RBM15B: variants seen among roughly 807,000 people sequenced by gnomAD.
RBM15B encodes the protein RNA binding motif protein 15B.
RBM15B carries 11 observed loss-of-function variants against 53.3 expected under a neutral mutation model. That is an observed-to-expected ratio of 0.21 (90% CI 0.13 to 0.34). RBM15B has a LOEUF of 0.34. Ranked by LOEUF, RBM15B falls within the 10% of genes least tolerant of loss-of-function variation. The probability of loss-of-function intolerance (pLI) is 1.00; values close to 1 mark genes in which losing one functional copy is unlikely to be tolerated. For synonymous variants in RBM15B, 631 were observed against 540.7 expected (o/e 1.17, Z -2.32); for missense variants, 1,136 against 1,250.3 (o/e 0.91, Z 1.38).
Position 51,393,482 on chromosome 3 carries a change from C to T in RBM15B, c.2083C>T (p.Pro695Ser). 6.2e-7 allele frequency: 1 copy of T among 1,614,042 alleles called. No individual in the cohort carries two copies. Among genetic ancestry groups the T allele is most frequent in the Non-Finnish European group, 8.5e-7 (1 of 1,179,994 alleles). Residue 695 changes from proline to serine, a missense_variant, in exon 1 of 1, where the codon CCC becomes TCC. Pro to Ser is a moderately conservative substitution (Grantham distance 74). Coordinates refer to ENST00000563281, the MANE Select transcript of RBM15B (RefSeq NM_013286.5). This position sits in a 1 kb window ranked among gnomAD's most constrained non-coding sequence, Gnocchi z 5.6. ...CAATCACCGGACCACAGAGGCCGAGCCCAAGCCTCTGGAAGAGCCAAAACA... is the reference window on the plus strand; with the variant it reads ...CAATCACCGGACCACAGAGGCCGAGTCCAAGCCTCTGGAAGAGCCAAAACA... Reference protein sequence around the residue: ...ERNHRTTEAEPKPLEEPKHET... With the variant: ...ERNHRTTEAESKPLEEPKHET...
In RBM15B at chr3:51,392,959, C is replaced by T. The variant is rs371056514; in HGVS notation, c.1560C>T (p.His520=). 6.2e-7 allele frequency: 1 copy of T among 1,613,780 alleles called. No individual in the cohort carries two copies. ...TGCTCACAGATGGATACACCCGGCA[C>T]CGCAACCTGGACGCCGACCTGGTGC... ...YELLTDGYTR[H]RNLDADLVRD... The change falls in exon 1 of 1, where the codon CAC becomes CAT. Residue 520 remains histidine, a synonymous_variant. Coordinates refer to ENST00000563281, the MANE Select transcript of RBM15B (RefSeq NM_013286.5). The surrounding 1 kb of genome is among the most constrained non-coding windows in gnomAD (Gnocchi z 7.5).
rs147755459 is a variant in RBM15B, at chr3:51,392,908, C to T, written c.1509C>T (p.Pro503=). ...CTCGGTACCCCCAGCAGTACCAGCC[C>T]TCGCCACTCCCTGTGCATTATGAGC... ...EETRYPQQYQ[P]SPLPVHYELL... The change falls in exon 1 of 1, where the codon CCC becomes CCT. Residue 503 remains proline (P), a synonymous_variant. Coordinates refer to ENST00000563281, the MANE Select transcript of RBM15B (RefSeq NM_013286.5). The surrounding 1 kb of genome is among the most constrained non-coding windows in gnomAD (Gnocchi z 7.5). 9.4e-4 allele frequency: 1,511 copies of T among 1,613,932 alleles called. 2 individuals are homozygous for T. The highest frequency in any genetic ancestry group is 1.2e-3 in the Non-Finnish European group (1,363 of 1,180,046).
At position 51,392,296 on chromosome 3, in the gene RBM15B, C is replaced by T. The variant is rs1423320784; in HGVS notation, c.897C>T (p.Ser299=). The T allele has an allele frequency of 6.2e-7, 1 of 1,609,040 alleles. No individual in the cohort carries two copies. Among genetic ancestry groups the T allele is most frequent in the Admixed American group, 1.7e-5 (1 of 59,868 alleles). The part of the protein sequence containing the change: ...DAAAAAAVGL[S]RERALDYYGL... ...CTGCTGCCGCCGCCGTGGGACTGTCCCGGGAGCGGGCCCTGGACTACTACG... is the reference window on the plus strand; with the variant it reads ...CTGCTGCCGCCGCCGTGGGACTGTCTCGGGAGCGGGCCCTGGACTACTACG... Residue 299 remains serine, a synonymous_variant, in exon 1 of 1, where the codon TCC becomes TCT. Transcript: ENST00000563281. This position sits in a 1 kb window ranked among gnomAD's most constrained non-coding sequence, Gnocchi z 7.5.
chr3:51,395,799 C>T lies in RBM15B; in HGVS notation c.*1727C>T, dbSNP rs578105038. 6.3e-5 allele frequency: 26 copies of T among 413,356 alleles called. No individual in the cohort carries two copies. The highest frequency in any genetic ancestry group is 9.3e-5 in the Non-Finnish European group (21 of 226,172). 25.6% of individuals were successfully genotyped at this position (413,356 alleles called of 1,614,324 possible). The stretch of plus-strand genomic sequence containing the variant: ...CTTGGCAGTGCTCTCGTAGACCCCT[C>T]GGTGATGTGGAATGGACAGGTGCCT... On this transcript the variant is annotated 3_prime_UTR_variant, in exon 1 of 1. Coordinates refer to ENST00000563281, the MANE Select transcript of RBM15B (RefSeq NM_013286.5).
In RBM15B at chr3:51,391,288, C is replaced by A; in HGVS notation, c.-112C>A. 1 of 922,814 alleles carries A rather than the reference C, an allele frequency of 1.1e-6. No homozygotes were observed. Among genetic ancestry groups the A allele is most frequent in the Non-Finnish European group, 1.4e-6 (1 of 728,404 alleles). 57.2% of individuals were successfully genotyped at this position (922,814 alleles called of 1,614,324 possible). A position where few individuals can be genotyped will look rare whatever the true frequency, so the allele number is the denominator to read the frequency against. On this transcript the variant is annotated 5_prime_UTR_variant, in exon 1 of 1. Transcript: ENST00000563281. This position sits in a 1 kb window ranked among gnomAD's most constrained non-coding sequence, Gnocchi z 4.5. ...GCCCCGCCCCGCCGCCACCGCCGCG[C>A]CGAGTCCTTTTGTCCAAGATGGCGG...
In RBM15B at chr3:51,395,340, G is replaced by C. The variant is rs2089138107; in HGVS notation, c.*1268G>C. The C allele has an allele frequency of 5.9e-6, 1 of 168,232 alleles. No homozygotes were observed. The highest frequency in any genetic ancestry group is 2.4e-5 in the African/African-American group (1 of 41,496). The allele number at this position is 168,232 out of a possible 1,614,324, so 10.4% of individuals were successfully genotyped here. The stretch of plus-strand genomic sequence containing the variant: ...TGTTTGTTTGTTAGGCAGTGCTAGA[G>C]CTTGAAGCCACTCAAGCCAGTTGGG... On this transcript the variant is annotated 3_prime_UTR_variant, in exon 1 of 1. Transcript: ENST00000563281.
rs1433091334 is a variant in RBM15B, at chr3:51,394,864, ATC to A, written c.*794_*795del. The A allele has an allele frequency of 6.0e-6, 1 of 167,084 alleles. No individual in the cohort carries two copies. Among genetic ancestry groups the A allele is most frequent in the East Asian group, 1.9e-4 (1 of 5,204 alleles). 10.4% of individuals were successfully genotyped at this position (167,084 alleles called of 1,614,324 possible). A position where few individuals can be genotyped will look rare whatever the true frequency, so the allele number is the denominator to read the frequency against. ...ATGCCAGGGGGTCTCGGGGCCCCTG[ATC>A]TGTCCAGGCTCCTGGTTCGGCCTAC... On this transcript the variant is annotated 3_prime_UTR_variant, in exon 1 of 1. Coordinates refer to ENST00000563281, the MANE Select transcript of RBM15B (RefSeq NM_013286.5).
chr3:51,391,736 TCTC>T lies in RBM15B; in HGVS notation c.341_343del (p.Pro114del), dbSNP rs2089040337. 1 of 1,505,498 alleles carries T rather than the reference TCTC, an allele frequency of 6.6e-7. No homozygotes were observed. Among genetic ancestry groups the T allele is most frequent in the African/African-American group, 1.5e-5 (1 of 68,230 alleles). 93.3% of individuals were successfully genotyped at this position (1,505,498 alleles called of 1,614,324 possible). A position where few individuals can be genotyped will look rare whatever the true frequency, so the allele number is the denominator to read the frequency against. ...CGCCTCCGGCATGTCGCCCCGCGCG[TCTC>T]CTCTGCCGCCGCCTCCGCCACCGCC... On this transcript the variant is annotated inframe_deletion, in exon 1 of 1. Coordinates refer to ENST00000563281, the MANE Select transcript of RBM15B (RefSeq NM_013286.5). The surrounding 1 kb of genome is among the most constrained non-coding windows in gnomAD (Gnocchi z 4.5).
In RBM15B at chr3:51,392,955, G is replaced by A; in HGVS notation, c.1556G>A (p.Arg519Gln). The stretch of plus-strand genomic sequence containing the variant: ...GAGCTGCTCACAGATGGATACACCC[G>A]GCACCGCAACCTGGACGCCGACCTG... ...HYELLTDGYTRHRNLDADLVR... is the reference protein window; with the variant it reads ...HYELLTDGYTQHRNLDADLVR... Residue 519 changes from arginine to glutamine, a missense_variant, in exon 1 of 1, where the codon CGG becomes CAG. Around this residue, in one of 7 missense-constraint regions of RBM15B, gnomAD observed 578 missense variants for 581.6 expected, o/e 0.99. Transcript: ENST00000563281. This position sits in a 1 kb window ranked among gnomAD's most constrained non-coding sequence, Gnocchi z 7.5. 3 of 1,613,766 alleles carry A rather than the reference G, an allele frequency of 1.9e-6. No homozygotes were observed. Among genetic ancestry groups the A allele is most frequent in the South Asian group, 1.1e-5 (1 of 91,086 alleles).
chr3:51,392,272 T>A lies in RBM15B; in HGVS notation c.873T>A (p.Ala291=), dbSNP rs1553621725. Residue 291 remains alanine, a synonymous_variant, in exon 1 of 1, where the codon GCT becomes GCA. Coordinates refer to ENST00000563281, the MANE Select transcript of RBM15B (RefSeq NM_013286.5). This position sits in a 1 kb window ranked among gnomAD's most constrained non-coding sequence, Gnocchi z 7.5. The part of the protein sequence containing the change: ...HAAAAFALDA[A]AAAAVGLSRE... ...CCGCAGCCTTCGCCCTGGATGCCGC[T>A]GCTGCCGCCGCCGTGGGACTGTCCC... The A allele has an allele frequency of 6.2e-7, 1 of 1,603,222 alleles. No individual in the cohort carries two copies. The highest frequency in any genetic ancestry group is 8.5e-7 in the Non-Finnish European group (1 of 1,177,636).
chr3:51,393,453 A>G lies in RBM15B; in HGVS notation c.2054A>G (p.Glu685Gly), dbSNP rs782770443. 78 of 1,613,812 alleles carry G rather than the reference A, an allele frequency of 4.8e-5. No homozygotes were observed. The highest frequency in any genetic ancestry group is 6.2e-5 in the Non-Finnish European group (73 of 1,179,972). Reference protein sequence around the residue: ...SSHGKKARDSERNHRTTEAEP... With the variant: ...SSHGKKARDSGRNHRTTEAEP... ...CACGGGAAGAAGGCAAGAGACAGCG[A>G]GCGCAATCACCGGACCACAGAGGCC... Residue 685 changes from glutamate (E) to glycine (G), a missense_variant, in exon 1 of 1, where the codon GAG becomes GGG. Physicochemically the swap from Glu to Gly is moderately conservative, Grantham distance 98. This residue lies in a region of RBM15B where 578 missense variants were observed against 581.6 expected (regional missense o/e 0.99). Coordinates refer to ENST00000563281, the MANE Select transcript of RBM15B (RefSeq NM_013286.5). This position sits in a 1 kb window ranked among gnomAD's most constrained non-coding sequence, Gnocchi z 5.6.
In RBM15B at chr3:51,392,442, T is replaced by C. The variant is rs994448160; in HGVS notation, c.1043T>C (p.Val348Ala). 2 of 1,613,972 alleles carry C rather than the reference T, an allele frequency of 1.2e-6. No homozygotes were observed. The highest frequency in any genetic ancestry group is 1.1e-5 in the South Asian group (1 of 91,082). ...NLFIGNLDHS[V>A]SEVELRRAFE... ...TTCATTGGTAACCTGGACCACAGCG[T>C]ATCTGAGGTGGAGCTGCGAAGGGCC... Residue 348 changes from valine to alanine, a missense_variant, in exon 1 of 1, where the codon GTA becomes GCA. This residue lies in a region of RBM15B where 40 missense variants were observed against 74.2 expected (regional missense o/e 0.54). Transcript: ENST00000563281. This position sits in a 1 kb window ranked among gnomAD's most constrained non-coding sequence, Gnocchi z 7.5.
rs2089161510 is a variant in RBM15B, at chr3:51,395,781, G to C, written c.*1709G>C. 1 of 413,540 alleles carries C rather than the reference G, an allele frequency of 2.4e-6. No homozygotes were observed. Among genetic ancestry groups the C allele is most frequent in the African/African-American group, 2.1e-5 (1 of 48,764 alleles). The allele number at this position is 413,540 out of a possible 1,614,324, so 25.6% of individuals were successfully genotyped here. On this transcript the variant is annotated 3_prime_UTR_variant, in exon 1 of 1. Coordinates refer to ENST00000563281, the MANE Select transcript of RBM15B (RefSeq NM_013286.5). Reference sequence around the variant, plus strand: ...TGCTGGTCCACAGGAACACTTGGCAGTGCTCTCGTAGACCCCTCGGTGATG... The same window carrying C: ...TGCTGGTCCACAGGAACACTTGGCACTGCTCTCGTAGACCCCTCGGTGATG...
chr3:51,397,565 G>C lies in RBM15B; in HGVS notation c.*3493G>C, dbSNP rs1553623439. The stretch of plus-strand genomic sequence containing the variant: ...AATCTGTACTTGGGAGCAGCCTGCT[G>C]GATCCAGAACATGACAACAGAGAGC... On this transcript the variant is annotated 3_prime_UTR_variant, in exon 1 of 1. Coordinates refer to ENST00000563281, the MANE Select transcript of RBM15B (RefSeq NM_013286.5). 1 of 167,122 alleles carries C rather than the reference G, an allele frequency of 6.0e-6. No homozygotes were observed. The highest frequency in any genetic ancestry group is 1.5e-5 in the Non-Finnish European group (1 of 68,150). 10.4% of individuals were successfully genotyped at this position (167,122 alleles called of 1,614,324 possible). A position where few individuals can be genotyped will look rare whatever the true frequency, so the allele number is the denominator to read the frequency against.
rs782479247 is a variant in RBM15B, at chr3:51,394,098, T to A, written c.*26T>A. On this transcript the variant is annotated 3_prime_UTR_variant, in exon 1 of 1. Coordinates refer to ENST00000563281, the MANE Select transcript of RBM15B (RefSeq NM_013286.5). ...CCCAAGCCTGTCTTTCCCAGCGTCA[T>A]GTTTGTGTCACAAAAGCAGTTATTT... The A allele has an allele frequency of 1.4e-6, 2 of 1,395,724 alleles. No homozygotes were observed. Among genetic ancestry groups the A allele is most frequent in the Non-Finnish European group, 1.9e-6 (2 of 1,069,570 alleles). The allele number at this position is 1,395,724 out of a possible 1,614,324, so 86.5% of individuals were successfully genotyped here. A position where few individuals can be genotyped will look rare whatever the true frequency, so the allele number is the denominator to read the frequency against.
rs782334484 is a variant in RBM15B, at chr3:51,393,146, G to A, written c.1747G>A (p.Asp583Asn). Reference sequence around the variant, plus strand: ...TGGTGAGCGTTGGGGGGCAGATGGAGACCGTGGTTTGCCCAAGCCCTGGGA... The same window carrying A: ...TGGTGAGCGTTGGGGGGCAGATGGAAACCGTGGTTTGCCCAAGCCCTGGGA... ...RSGERWGADG[D>N]RGLPKPWEER... Residue 583 changes from aspartate (D) to asparagine (N), a missense_variant, in exon 1 of 1, where the codon GAC becomes AAC. By Grantham distance (23) the Asp-to-Asn change is conservative (BLOSUM62 1). Coordinates refer to ENST00000563281, the MANE Select transcript of RBM15B (RefSeq NM_013286.5). The surrounding 1 kb of genome is among the most constrained non-coding windows in gnomAD (Gnocchi z 5.6). The A allele has an allele frequency of 1.9e-6, 3 of 1,614,060 alleles. No homozygotes were observed. The highest frequency in any genetic ancestry group is 4.5e-5 in the East Asian group (2 of 44,872).
At position 51,393,856 on chromosome 3, in the gene RBM15B, G is replaced by C. The variant is rs76604303; in HGVS notation, c.2457G>C (p.Arg819=). Residue 819 remains arginine, a synonymous_variant, in exon 1 of 1, where the codon CGG becomes CGC. Coordinates refer to ENST00000563281, the MANE Select transcript of RBM15B (RefSeq NM_013286.5). This position sits in a 1 kb window ranked among gnomAD's most constrained non-coding sequence, Gnocchi z 5.6. ...CAGTAGAGCCCGGTCTGCAGAGGCG[G>C]CTTCTCAGGAACCTGGTCTCCTACT... ...MPTVEPGLQR[R]LLRNLVSYLK... The C allele has an allele frequency of 5.4e-4, 857 of 1,589,706 alleles. 9 individuals are homozygous for C. The East Asian group carries it at 0.017, about 31-fold the overall frequency.
In RBM15B at chr3:51,394,879, T is replaced by C. The variant is rs2089120641; in HGVS notation, c.*807T>C. 1 of 167,206 alleles carries C rather than the reference T, an allele frequency of 6.0e-6. No individual in the cohort carries two copies. The highest frequency in any genetic ancestry group is 2.4e-5 in the African/African-American group (1 of 41,462). The allele number at this position is 167,206 out of a possible 1,614,324, so 10.4% of individuals were successfully genotyped here. A position where few individuals can be genotyped will look rare whatever the true frequency, so the allele number is the denominator to read the frequency against. ...GGGGCCCCTGATCTGTCCAGGCTCC[T>C]GGTTCGGCCTACTTTCTAGCCTCAC... On this transcript the variant is annotated 3_prime_UTR_variant, in exon 1 of 1. Coordinates refer to ENST00000563281, the MANE Select transcript of RBM15B (RefSeq NM_013286.5).
rs1426237378 is a variant in RBM15B at position 51,394,377 on chromosome 3, T to C, written c.*305T>C. 4.0e-6 allele frequency: 1 copy of C among 252,590 alleles called. No homozygotes were observed. Among genetic ancestry groups the C allele is most frequent in the East Asian group, 8.4e-5 (1 of 11,972 alleles). 15.6% of individuals were successfully genotyped at this position (252,590 alleles called of 1,614,324 possible). ...TATGGAAAGTTGTCAGTAAAACCTT[T>C]GACAGAGGATGGATTTTTAAACCTG... On this transcript the variant is annotated 3_prime_UTR_variant, in exon 1 of 1. Transcript: ENST00000563281.
Sources: gnomAD v4.1 joint callset for allele counts on GRCh38, gnomAD v4.1.1 for gene constraint, gnomAD v4.1.1 regional missense constraint, Gnocchi (gnomAD v3.1) non-coding constraint, MANE v1.5 for transcripts, NCBI Gene and HGNC (gene_info 2026-07-23, HGNC 2026-07-21) for gene names.